The following PIEZO2 variants were observed in gnomAD, a reference collection of about 807,000 sequenced individuals.
PIEZO2 encodes piezo type mechanosensitive ion channel component 2.
PIEZO2 carries 172 observed loss-of-function variants against 337.3 expected under a neutral mutation model. The ratio of observed to expected loss-of-function variants is 0.51; its 90% confidence interval spans 0.45 to 0.58. The LOEUF (loss-of-function observed/expected upper bound fraction) is 0.58. PIEZO2 is among the 20% of genes least tolerant of loss of function. PIEZO2 has a pLI of 0.00. For synonymous variants in PIEZO2, 1,251 were observed against 1,228.5 expected (o/e 1.02, Z -0.38); for missense variants, 3,028 against 3,391.3 (o/e 0.89, Z 2.66).
chr18:10,690,111 G>A (rs1331203980), intron 48 of PIEZO2, among the ~76,000 whole-genome samples: 3 of 77,426 alleles, frequency 3.9e-5, no homozygotes, highest in Admixed American at 1.2e-4. Flanking sequence ...TTCATGTTAC[G>A]AGACCCTTGG....
chr18:10,763,360 A>C, intron 21 of PIEZO2: 1 of 433,180 alleles, frequency 2.3e-6, no homozygotes, highest in East Asian at 4.3e-5. Flanking sequence ...TAAGCTATCA[A>C]TGTGGGCAGG....
At chr18:10,920,640 G>T (rs551389832) in intron 3 of PIEZO2, among the ~76,000 whole-genome samples, 1 of 152,198 alleles carries the variant, frequency 6.6e-6, no homozygotes, top group Non-Finnish European at 1.5e-5. Context: ...TTCTTTTTCT[G>T]CTACTTCAGC....
Position 11,054,015 on chromosome 18 carries a change from C to T in PIEZO2, c.160+12112G>A, listed in dbSNP as rs564585249. On this transcript the variant is annotated intron_variant, in intron 2 of 55. Coordinates refer to ENST00000674853, the MANE Select transcript of PIEZO2 (RefSeq NM_001378183.1). ...CTCCAGCCTGGGCGACAGAGTGAAA[C>T]CCCATCTCAAAATAAACAAATAAAC... Among the ~76,000 whole-genome samples, 25 of 152,216 alleles carry T rather than the reference C, an allele frequency of 1.6e-4. No homozygotes were observed. The South Asian group carries it at 4.6e-3, about 28-fold the overall frequency.
intron 1 of PIEZO2, among the ~76,000 whole-genome samples, chr18:11,147,005 T>G (rs1472068693): frequency 1.3e-5 from 2 of 152,304 alleles, no homozygotes; most frequent in African/African-American, 4.8e-5. Context: ...GTTAACTCGG[T>G]CACTAGCTTC....
In PIEZO2 at chr18:10,850,265, G is replaced by A. The variant is rs2041503826; in HGVS notation, c.917+5088C>T. On this transcript the variant is annotated intron_variant, in intron 7 of 55. Transcript: ENST00000674853. The surrounding 1 kb of genome is among the most constrained non-coding windows in gnomAD (Gnocchi z 4.5). The stretch of plus-strand genomic sequence containing the variant: ...TTGGGACCATGGGGTGAAAAGAAGG[G>A]ATTACTCTAGAGAAAAATGAAACTC... Among the ~76,000 whole-genome samples the A allele has an allele frequency of 6.6e-6, 1 of 152,152 alleles. No homozygotes were observed. Among genetic ancestry groups the A allele is most frequent in the African/African-American group, 2.4e-5 (1 of 41,432 alleles).
intron 3 of PIEZO2, among the ~76,000 whole-genome samples, chr18:10,937,101 G>C (rs916122793): frequency 2.6e-5 from 4 of 152,184 alleles, no homozygotes; most frequent in Admixed American, 6.5e-5. Context: ...TTTATGAAGA[G>C]TAAACTATTT....
intron 21 of PIEZO2, among the ~76,000 whole-genome samples, chr18:10,763,503 A>G (rs1258830564): frequency 6.6e-6 from 1 of 152,222 alleles, no homozygotes; most frequent in East Asian, 1.9e-4. Flanking sequence ...AGGAGGCATG[A>G]ATGAAGGCAG....
In PIEZO2 at chr18:10,794,707, T is replaced by G. The variant is rs754378682; in HGVS notation, c.1758+65A>C. On this transcript the variant is annotated intron_variant, in intron 13 of 55. Coordinates refer to ENST00000674853, the MANE Select transcript of PIEZO2 (RefSeq NM_001378183.1). This position sits in a 1 kb window ranked among gnomAD's most constrained non-coding sequence, Gnocchi z 6.6. The stretch of plus-strand genomic sequence containing the variant: ...CTGTTTTTATAAGGTTTCTCTTGGA[T>G]ACGATTATGATGATGATTGTGGTTT... 13 of 1,208,994 alleles carry G rather than the reference T, an allele frequency of 1.1e-5. No individual in the cohort carries two copies. The highest frequency in any genetic ancestry group is 1.5e-5 in the Non-Finnish European group (13 of 884,968). 74.9% of individuals were successfully genotyped at this position (1,208,994 alleles called of 1,614,324 possible).
At chr18:11,117,323 T>C (rs1246585803) in intron 1 of PIEZO2, among the ~76,000 whole-genome samples, 1 of 152,176 alleles carries the variant, frequency 6.6e-6, no homozygotes, top group Non-Finnish European at 1.5e-5. Context: ...ATCATTCTAG[T>C]ATACAGATTT....
chr18:10,873,252 G>C (rs1336416108), intron 4 of PIEZO2, among the ~76,000 whole-genome samples: 1 of 152,108 alleles, frequency 6.6e-6, no homozygotes, highest in African/African-American at 2.4e-5. Flanking sequence ...CGTGCTAAGA[G>C]CTTTAGACAC....
In PIEZO2 at chr18:10,944,556, G is replaced by GATAT. The variant is rs1203736680; in HGVS notation, c.287-33332_287-33329dup. On this transcript the variant is annotated intron_variant, in intron 3 of 55. Coordinates refer to ENST00000674853, the MANE Select transcript of PIEZO2 (RefSeq NM_001378183.1). ...TATATATATATATATCTTAGTAACA[G>GATAT]ATATATATATATATATCTAAGTGAA... Among the ~76,000 whole-genome samples the GATAT allele has an allele frequency of 7.0e-4, 75 of 107,790 alleles. 2 individuals carry two copies. In the East Asian group the frequency reaches 0.019, roughly 27 times the overall value. The allele number at this position is 107,790 out of a possible 152,430, so 70.7% of individuals were successfully genotyped here.
At chr18:10,814,204 C>G (rs1034693744) in intron 7 of PIEZO2, among the ~76,000 whole-genome samples, 4 of 152,048 alleles carry the variant, frequency 2.6e-5, no homozygotes, top group Non-Finnish European at 5.9e-5. Flanking sequence ...CTCCTGACCT[C>G]ATGATCTGCC....
Position 10,789,085 on chromosome 18 carries a change from T to C in PIEZO2, c.2163A>G (p.Leu721=). The C allele has an allele frequency of 2.0e-6, 3 of 1,536,646 alleles. No homozygotes were observed. The highest frequency in any genetic ancestry group is 2.6e-6 in the Non-Finnish European group (3 of 1,146,502). The change falls in exon 15 of 56, where the codon CTA becomes CTG. Residue 721 remains leucine, a synonymous_variant. Coordinates refer to ENST00000674853, the MANE Select transcript of PIEZO2 (RefSeq NM_001378183.1). ...YMVLFLFCVA[L]YQVHYEWWRK... ...TGGTCAACTGTGTACCTACCTGGTATAGGGCCACACAGAACAGGAACAGCA... is the reference window on the plus strand; with the variant it reads ...TGGTCAACTGTGTACCTACCTGGTACAGGGCCACACAGAACAGGAACAGCA...
intron 3 of PIEZO2, among the ~76,000 whole-genome samples, chr18:10,923,996 A>G (rs1215428737): frequency 6.6e-6 from 1 of 152,246 alleles, no homozygotes; most frequent in Non-Finnish European, 1.5e-5. Flanking sequence ...GGCACAAAGT[A>G]GGTGGTAGAT....
chr18:11,053,760 G>C (rs2145861872), intron 2 of PIEZO2, among the ~76,000 whole-genome samples: 1 of 152,344 alleles, frequency 6.6e-6, no homozygotes, highest in Middle Eastern at 3.4e-3. Context: ...GCTGGGTGCA[G>C]TGGCTCATGC....
At position 10,671,632 on chromosome 18, in the gene PIEZO2, T is replaced by C. The variant is rs2033780191; in HGVS notation, c.8493A>G (p.Arg2831=). The C allele has an allele frequency of 6.2e-7, 1 of 1,614,038 alleles. No individual in the cohort carries two copies. Among genetic ancestry groups the C allele is most frequent in the East Asian group, 2.2e-5 (1 of 44,850 alleles). ...CTTCTAGCTCCAGTTCTCCTGTCTCTCGAACTAAAAAAATATCTGTGCACA... is the reference window on the plus strand; with the variant it reads ...CTTCTAGCTCCAGTTCTCCTGTCTCCCGAACTAAAAAAATATCTGTGCACA... The part of the protein sequence containing the change: ...LKLCTDIFLV[R]ETGELELEED... Residue 2831 remains arginine (R), a synonymous_variant, in exon 56 of 56, where the codon CGA becomes CGG. Coordinates refer to ENST00000674853, the MANE Select transcript of PIEZO2 (RefSeq NM_001378183.1).
At chr18:10,970,644 G>A (rs1006385397) in intron 3 of PIEZO2, among the ~76,000 whole-genome samples, 1 of 145,406 alleles carries the variant, frequency 6.9e-6, no homozygotes, top group Admixed American at 7.0e-5. Context: ...GCAAAACTTA[G>A]AACAAAAAAG....
chr18:10,966,908 A>C (rs1397545063), intron 3 of PIEZO2, among the ~76,000 whole-genome samples: 1 of 152,118 alleles, frequency 6.6e-6, no homozygotes, highest in Non-Finnish European at 1.5e-5. Context: ...ATTTAGAAGA[A>C]TGATCTCCAA....
Position 10,762,616 on chromosome 18 carries a change from T to G in PIEZO2, c.3133A>C (p.Asn1045His), listed in dbSNP as rs2038183868. 1 of 1,536,770 alleles carries G rather than the reference T, an allele frequency of 6.5e-7. No homozygotes were observed. The highest frequency in any genetic ancestry group is 1.4e-5 in the African/African-American group (1 of 72,940). The change falls in exon 23 of 56, where the codon AAT (asparagine) becomes CAT (histidine). Residue 1045 changes from asparagine (N) to histidine (H), a missense_variant. This residue lies in a region of PIEZO2 where 1,925 missense variants were observed against 2,051.9 expected (regional missense o/e 0.94). Transcript: ENST00000674853. The stretch of plus-strand genomic sequence containing the variant: ...TCATTAAAGGGGATGTTTGTTTGAT[T>G]TTCATTTGGCTAAAAAGAAGAGAAA... ...FSVNCSLPNENQTNIPFNELN... is the reference protein window; with the variant it reads ...FSVNCSLPNEHQTNIPFNELN...
Sources: gnomAD v4.1 joint callset for allele counts (sites outside exome capture counted in the v4.1 genomes callset) on GRCh38, gnomAD v4.1.1 for gene constraint, gnomAD v4.1.1 regional missense constraint, Gnocchi (gnomAD v3.1) non-coding constraint, MANE v1.5 for transcripts, NCBI Gene and HGNC (gene_info 2026-07-23, HGNC 2026-07-21) for gene names.